Variants in KLHL13 observed in about 807,000 individuals in gnomAD.
KLHL13 encodes kelch-like protein 13.
KLHL13 carries 10 observed loss-of-function variants against 37.1 expected under a neutral mutation model. The observed-to-expected ratio is 0.27, with a 90% CI of 0.17 to 0.46. KLHL13 has a LOEUF of 0.46. Ranked by LOEUF, KLHL13 falls within the 20% of genes least tolerant of loss-of-function variation. KLHL13 has a pLI of 1.00. For missense variants in KLHL13, 360 were observed against 509.3 expected (o/e 0.71, Z 2.82); for synonymous variants, 163 against 181.2 (o/e 0.90, Z 0.81).
intron 1 of KLHL13, among the ~76,000 whole-genome samples, chrX:118,070,090 C>T (rs1336664605): frequency 8.9e-6 from 1 of 112,418 alleles, no homozygotes; most frequent in Non-Finnish European, 1.9e-5. Flanking sequence ...CTGTGAGCAA[C>T]AGGCTATACC....
At chrX:117,923,527 AAAAC>A (rs1228462932) in intron 2 of KLHL13, among the ~76,000 whole-genome samples, 7 of 112,492 alleles carry the variant, frequency 6.2e-5, no homozygotes, top group Non-Finnish European at 1.1e-4. Context: ...CTAAAGAACA[AAAAC>A]AAACAAACAA....
At chrX:117,931,265 A>G (rs6645420) in intron 2 of KLHL13, among the ~76,000 whole-genome samples, 18,913 of 111,675 alleles carry the variant, frequency 0.17, 2,193 homozygotes, top group African/African-American at 0.42. Flanking sequence ...ATGAGAAAAT[A>G]TCAACTAGAG....
chrX:117,940,633 T>C (rs1932973167), intron 2 of KLHL13, among the ~76,000 whole-genome samples: 2 of 111,763 alleles, frequency 1.8e-5, no homozygotes. Context: ...CAGTGGTTTG[T>C]AGTTCTCCTT....
intron 1 of KLHL13, among the ~76,000 whole-genome samples, chrX:117,985,777 C>T (rs2053718315): frequency 1.8e-5 from 2 of 110,807 alleles, no homozygotes; most frequent in African/African-American, 6.6e-5. Flanking sequence ...ATTCTTCCCT[C>T]TCTCTTGCCC....
chrX:118,033,619 C>A (rs1270276081), intron 1 of KLHL13, among the ~76,000 whole-genome samples: 1 of 109,488 alleles, frequency 9.1e-6, no homozygotes, highest in East Asian at 2.8e-4. Context: ...ACAACCGGTA[C>A]CAGCTGCTGC....
intron 1 of KLHL13, among the ~76,000 whole-genome samples, chrX:118,016,130 C>A (rs1033202297): frequency 1.8e-5 from 2 of 112,043 alleles, no homozygotes; most frequent in African/African-American, 6.5e-5. Flanking sequence ...TGTGCTTCGT[C>A]TTAAAAATAT....
rs184967827 is a variant in KLHL13 at position 118,048,127 on chromosome X, G to T, written c.-56+68381C>A. 1.4e-3 allele frequency among the ~76,000 whole-genome samples: 154 copies of T among 111,517 alleles called. 2 individuals are homozygous for T. Among genetic ancestry groups the T allele is most frequent in the African/African-American group, 4.8e-3 (149 of 30,771 alleles). ...GAAATAAGTACACAACTCTTACAAGGAGTGTTCCTTTAATAGAGAGTAGAG... is the reference window on the plus strand; with the variant it reads ...GAAATAAGTACACAACTCTTACAAGTAGTGTTCCTTTAATAGAGAGTAGAG... On this transcript the variant is annotated intron_variant, in intron 1 of 6. Coordinates refer to the KLHL13 transcript ENST00000371882.
intron 4 of KLHL13, among the ~76,000 whole-genome samples, chrX:117,913,493 G>A (rs1016906050): frequency 8.9e-6 from 1 of 111,911 alleles, no homozygotes; most frequent in Non-Finnish European, 1.9e-5. Context: ...TCCAAAGAAG[G>A]TTCACTTAAA....
At chrX:117,943,773 T>C (rs1933173623) in intron 2 of KLHL13, among the ~76,000 whole-genome samples, 2 of 109,963 alleles carry the variant, frequency 1.8e-5, no homozygotes, top group Admixed American at 2.0e-4. Context: ...GGTTAGAACA[T>C]GCTCCTTTAG....
At chrX:118,078,270 G>A (rs191122272) in intron 1 of KLHL13, among the ~76,000 whole-genome samples, 5 of 111,453 alleles carry the variant, frequency 4.5e-5, no homozygotes, top group Admixed American at 9.5e-5. Flanking sequence ...TTATTGAGGT[G>A]TAATTTACAT....
intron 1 of KLHL13, among the ~76,000 whole-genome samples, chrX:118,065,205 C>T (rs1189309845): frequency 1.8e-5 from 2 of 111,503 alleles, no homozygotes; most frequent in African/African-American, 6.5e-5. Context: ...GTCAGTGTGA[C>T]TTTTCTAGTT....
rs1202801459 is a variant in KLHL13, at chrX:117,930,113, A to G, written c.241-9743T>C. ...TTTTATCCAGTGCAATAAGGTAAGG[A>G]AAAAAAAGGCATCAGACTGGAAAGA... On this transcript the variant is annotated intron_variant, in intron 2 of 6. Coordinates refer to ENST00000262820, the Ensembl canonical transcript of KLHL13. Among the ~76,000 whole-genome samples the G allele has an allele frequency of 3.7e-5, 4 of 108,840 alleles. No individual in the cohort carries two copies. In the East Asian group the frequency reaches 8.6e-4, roughly 23 times the overall value. The allele number at this position is 108,840 out of a possible 115,157, so 94.5% of individuals were successfully genotyped here.
At chrX:118,016,745 T>TC (rs2054132037) in intron 1 of KLHL13, among the ~76,000 whole-genome samples, 1 of 111,500 alleles carries the variant, frequency 9.0e-6, no homozygotes, top group African/African-American at 3.3e-5. Flanking sequence ...ATTGGATTGA[T>TC]CAGATGAGGC....
chrX:118,103,594 A>G (rs903788262), intron 1 of KLHL13, among the ~76,000 whole-genome samples: 9 of 112,233 alleles, frequency 8.0e-5, no homozygotes, highest in African/African-American at 2.9e-4. Context: ...ACATTTTAAA[A>G]GACACCTATG....
intron 1 of KLHL13, among the ~76,000 whole-genome samples, chrX:118,074,007 A>C (rs762996121): frequency 8.9e-6 from 1 of 112,488 alleles, no homozygotes; most frequent in African/African-American, 3.2e-5. Flanking sequence ...AGTAGAGATT[A>C]GAAAAAATGT....
chrX:117,995,690 C>T (rs2053847087), intron 1 of KLHL13, among the ~76,000 whole-genome samples: 1 of 111,595 alleles, frequency 9.0e-6, no homozygotes, highest in African/African-American at 3.3e-5. Flanking sequence ...CCCCTTGCAT[C>T]TGCATTCTGT....
intron 1 of KLHL13, among the ~76,000 whole-genome samples, chrX:118,060,992 A>C (rs1396669643): frequency 9.0e-6 from 1 of 110,756 alleles, no homozygotes; most frequent in East Asian, 2.8e-4. Flanking sequence ...ATTAGAGTCT[A>C]CCATGAAATA....
At chrX:117,932,123 C>T (rs1932485876) in intron 2 of KLHL13, among the ~76,000 whole-genome samples, 1 of 110,978 alleles carries the variant, frequency 9.0e-6, no homozygotes, top group Non-Finnish European at 1.9e-5. Context: ...GTATAATGAA[C>T]AAATCAGGGT....
At chrX:117,993,561 T>G (rs2053818253) in intron 1 of KLHL13, among the ~76,000 whole-genome samples, 1 of 110,924 alleles carries the variant, frequency 9.0e-6, no homozygotes, top group South Asian at 3.8e-4. Context: ...GAACTGGAAT[T>G]TGAACCCAAG....
Sources: allele counts gnomAD v4.1 joint callset (sites outside exome capture counted in the v4.1 genomes callset), GRCh38; gene constraint gnomAD v4.1.1; transcripts MANE v1.5; gene names NCBI Gene and HGNC (gene_info 2026-07-23, HGNC 2026-07-21).